Variants in EYS observed in about 807,000 individuals in gnomAD.
The protein encoded by EYS is protein eyes shut homolog.
EYS carries 250 observed loss-of-function variants against 282.1 expected under a neutral mutation model. The observed-to-expected ratio is 0.89, with a 90% CI of 0.80 to 0.98. The LOEUF is 0.98. Ranked by LOEUF, EYS falls within the 50% of genes least tolerant of loss-of-function variation. EYS has a pLI of 0.00. For missense variants in EYS, 4,016 were observed against 3,709.0 expected (o/e 1.08, Z -2.15); for synonymous variants, 1,355 against 1,282.9 (o/e 1.06, Z -1.20).
chr6:64,023,276 T>C (rs2149821268), intron 33 of EYS, among the ~76,000 whole-genome samples: 1 of 152,380 alleles, frequency 6.6e-6, no homozygotes, highest in East Asian at 1.9e-4. Flanking sequence ...TACTTCTCCA[T>C]TTGGGTTGTG....
At chr6:64,617,675 T>A (rs1767318110) in intron 23 of EYS, 142 bp from the exon 24 acceptor site, 1 of 628,116 alleles carries the variant, frequency 1.6e-6, no homozygotes, top group Non-Finnish European at 2.8e-6. Flanking sequence ...TGTATCTTCA[T>A]GATCAGTTTA....
chr6:63,965,205 T>C (rs1449963817), intron 35 of EYS, among the ~76,000 whole-genome samples: 1 of 152,210 alleles, frequency 6.6e-6, no homozygotes, highest in Non-Finnish European at 1.5e-5. Context: ...AATTCTTACT[T>C]TGTGTAAGAT....
Position 65,161,647 on chromosome 6 carries a change from T to C in EYS, c.2024-103920A>G, listed in dbSNP as rs79687807. On this transcript the variant is annotated intron_variant, in intron 12 of 42. Coordinates refer to ENST00000503581, the MANE Select transcript of EYS (RefSeq NM_001142800.2). ...ATTCTAAATTGTTTCCCCTTCACAATGCTGCCTTACTTATCTCAAAGAGAT... is the reference window on the plus strand; with the variant it reads ...ATTCTAAATTGTTTCCCCTTCACAACGCTGCCTTACTTATCTCAAAGAGAT... Among the ~76,000 whole-genome samples, 100 of 151,084 alleles carry C rather than the reference T, an allele frequency of 6.6e-4. 1 individual carries two copies. The highest frequency in any genetic ancestry group is 2.3e-3 in the African/African-American group (96 of 41,250).
intron 22 of EYS, among the ~76,000 whole-genome samples, chr6:64,674,914 A>T (rs1343636828): frequency 6.6e-6 from 1 of 152,076 alleles, no homozygotes; most frequent in Non-Finnish European, 1.5e-5. Context: ...CTTTTTCCAT[A>T]TGCTCTACCA....
At chr6:63,947,761 C>A (rs1765442005) in intron 35 of EYS, among the ~76,000 whole-genome samples, 2 of 152,204 alleles carry the variant, frequency 1.3e-5, no homozygotes, top group Admixed American at 6.5e-5. Flanking sequence ...AAAAATGCCC[C>A]CTGACAGAAA....
At chr6:64,688,888 G>A (rs1770263301) in intron 22 of EYS, among the ~76,000 whole-genome samples, 2 of 151,960 alleles carry the variant, frequency 1.3e-5, no homozygotes. Context: ...AAAACTGGAA[G>A]CATTCCCTTT....
At chr6:64,114,465 A>G (rs1275157534) in intron 31 of EYS, among the ~76,000 whole-genome samples, 1 of 152,182 alleles carries the variant, frequency 6.6e-6, no homozygotes, top group Non-Finnish European at 1.5e-5. Context: ...AGCCCTAGGA[A>G]GAGCTCAGGA....
chr6:65,198,762 A>T (rs543251521), intron 12 of EYS, among the ~76,000 whole-genome samples: 1 of 152,302 alleles, frequency 6.6e-6, no homozygotes, highest in South Asian at 2.1e-4. Context: ...TTGGAAAGCT[A>T]TTAATCCAAA....
At chr6:64,456,542 G>A (rs994379535) in intron 26 of EYS, among the ~76,000 whole-genome samples, 2 of 151,914 alleles carry the variant, frequency 1.3e-5, no homozygotes, top group African/African-American at 4.8e-5. Flanking sequence ...CTACAAGAGG[G>A]TTGTTATGTT....
At chr6:64,575,312 A>G (rs1238610360) in intron 26 of EYS, among the ~76,000 whole-genome samples, 3 of 147,736 alleles carry the variant, frequency 2.0e-5, no homozygotes, top group Admixed American at 6.8e-5. Context: ...GAGCATGTTA[A>G]AAAAAGAAGA....
chr6:63,961,762 G>A (rs560472272), intron 35 of EYS, among the ~76,000 whole-genome samples: 1 of 152,100 alleles, frequency 6.6e-6, no homozygotes, highest in South Asian at 2.1e-4. Flanking sequence ...ACCCCCTAAA[G>A]GTCCTACTTC....
intron 5 of EYS, among the ~76,000 whole-genome samples, chr6:65,406,043 G>A (rs1270611592): frequency 6.6e-6 from 1 of 152,056 alleles, no homozygotes; most frequent in African/African-American, 2.4e-5. Flanking sequence ...CACCAGTGAT[G>A]TGTCAGATTT....
intron 39 of EYS, among the ~76,000 whole-genome samples, chr6:63,778,456 G>T (rs908878445): frequency 6.6e-6 from 1 of 151,826 alleles, no homozygotes; most frequent in Non-Finnish European, 1.5e-5. Flanking sequence ...AAACAAAAAT[G>T]CAATCTGCAC....
At chr6:63,742,079 A>C in intron 41 of EYS, 1 of 662,818 alleles carries the variant, frequency 1.5e-6, no homozygotes. Context: ...GATCTTTGAA[A>C]CCTCTTTAAC....
chr6:64,173,931 A>G (rs910382845), intron 31 of EYS, among the ~76,000 whole-genome samples: 3 of 152,174 alleles, frequency 2.0e-5, no homozygotes, highest in African/African-American at 2.4e-5. Context: ...GTGTTCATCA[A>G]TGGATGAATG....
chr6:65,388,817 T>C (rs2150354766), intron 7 of EYS, among the ~76,000 whole-genome samples: 1 of 152,200 alleles, frequency 6.6e-6, no homozygotes, highest in South Asian at 2.1e-4. Context: ...AAGCAAACTA[T>C]TTTACAGTTA....
chr6:63,858,887 T>G (rs1418639430), intron 36 of EYS, among the ~76,000 whole-genome samples: 1 of 152,056 alleles, frequency 6.6e-6, no homozygotes, highest in African/African-American at 2.4e-5. Context: ...AATGTCAGCC[T>G]GACATTAAGC....
intron 2 of EYS, among the ~76,000 whole-genome samples, chr6:65,628,758 A>C (rs1237690901): frequency 6.6e-6 from 1 of 151,892 alleles, no homozygotes; most frequent in Non-Finnish European, 1.5e-5. Flanking sequence ...TGAACATCAG[A>C]AGGGACAGAC....
intron 31 of EYS, among the ~76,000 whole-genome samples, chr6:64,119,006 T>C (rs76054559): frequency 0.068 from 10,411 of 152,104 alleles, 1,078 homozygotes; most frequent in African/African-American, 0.23. Flanking sequence ...ATCATTTTTC[T>C]CCAGTTAGAA....
Sources: allele counts gnomAD v4.1 joint callset (sites outside exome capture counted in the v4.1 genomes callset), GRCh38; gene constraint gnomAD v4.1.1; transcripts MANE v1.5; gene names NCBI Gene and HGNC (gene_info 2026-07-23, HGNC 2026-07-21).